The following CDIN1 variants were observed in gnomAD, a reference collection of about 807,000 sequenced individuals.
CDIN1 encodes the protein CDAN1 interacting nuclease 1, also known as CDAN1-interacting nuclease 1.
In CDIN1, 33 loss-of-function variants were observed where a neutral mutation model predicts 45.3. The ratio of observed to expected loss-of-function variants is 0.73; its 90% confidence interval spans 0.55 to 0.97. The LOEUF (loss-of-function observed/expected upper bound fraction) is 0.97, where lower values mean the gene tolerates loss of function less well. Ranked by LOEUF, CDIN1 falls within the 50% of genes least tolerant of loss-of-function variation. The pLI, the probability that CDIN1 is intolerant of heterozygous loss-of-function variation, is 0.00. For synonymous variants in CDIN1, 118 were observed against 124.4 expected, an observed-to-expected ratio of 0.95 and a Z score of 0.34; for missense variants, 303 against 339.4, an observed-to-expected ratio of 0.89 and a Z score of 0.84.
At chr15:36,639,897 C>T (rs1388547098) in intron 1 of CDIN1, among the ~76,000 whole-genome samples, 2 of 151,978 alleles carry the variant, frequency 1.3e-5, no homozygotes, top group East Asian at 3.9e-4. Flanking sequence ...TGCCATCTAC[C>T]TAATCATTTA....
chr15:36,612,154 T>C (rs1415837785), intron 1 of CDIN1, among the ~76,000 whole-genome samples: 1 of 152,206 alleles, frequency 6.6e-6, no homozygotes, highest in Non-Finnish European at 1.5e-5. Context: ...GCCATGGGAC[T>C]GAGTTCTGGC....
At chr15:36,643,140 GTTA>G (rs1395013511) in intron 1 of CDIN1, among the ~76,000 whole-genome samples, 15 of 152,130 alleles carry the variant, frequency 9.9e-5, no homozygotes, top group Non-Finnish European at 2.2e-4. Context: ...GCATTTTTGA[GTTA>G]TTGAAATATT....
At chr15:36,726,425 T>C (rs1022261972) in intron 10 of CDIN1, among the ~76,000 whole-genome samples, 7 of 152,156 alleles carry the variant, frequency 4.6e-5, no homozygotes, top group African/African-American at 1.7e-4. Context: ...CCTGCTCTGC[T>C]TGCCCAGGGC....
At chr15:36,796,183 C>A (rs1566979426) in intron 10 of CDIN1, among the ~76,000 whole-genome samples, 1 of 152,038 alleles carries the variant, frequency 6.6e-6, no homozygotes, top group Non-Finnish European at 1.5e-5. Flanking sequence ...CAGAAAATTT[C>A]TTTATTAGAT....
At chr15:36,604,980 T>C (rs1173321872) in intron 1 of CDIN1, among the ~76,000 whole-genome samples, 1 of 152,170 alleles carries the variant, frequency 6.6e-6, no homozygotes, top group African/African-American at 2.4e-5. Flanking sequence ...TGTGCTTCTC[T>C]TTCATTAAAA....
chr15:36,772,190 A>G (rs1273447856), intron 10 of CDIN1, among the ~76,000 whole-genome samples: 1 of 152,166 alleles, frequency 6.6e-6, no homozygotes, highest in Non-Finnish European at 1.5e-5. Context: ...AAAAGCTATG[A>G]AAACTGTATT....
chr15:36,642,488 A>T (rs1455747265), intron 1 of CDIN1, among the ~76,000 whole-genome samples: 5 of 152,234 alleles, frequency 3.3e-5, no homozygotes, highest in African/African-American at 1.2e-4. Flanking sequence ...CCTCTCGGCC[A>T]TAGAAAACTG....
At chr15:36,589,855 T>G (rs761628286) in intron 1 of CDIN1, among the ~76,000 whole-genome samples, 5 of 152,206 alleles carry the variant, frequency 3.3e-5, no homozygotes, top group Non-Finnish European at 7.3e-5. Flanking sequence ...CCTGGATTGT[T>G]TGGTCGGTCC....
chr15:36,620,830 G>A (rs1241666034), intron 1 of CDIN1, among the ~76,000 whole-genome samples: 2 of 151,920 alleles, frequency 1.3e-5, no homozygotes, highest in African/African-American at 4.8e-5. Context: ...TCTGTTTACA[G>A]TGTATTTATC....
At chr15:36,641,798 T>G (rs975668871) in intron 1 of CDIN1, 3 of 152,180 alleles carry the variant, frequency 2.0e-5, no homozygotes, top group Admixed American at 6.5e-5. Context: ...CTTGTTTAGT[T>G]TTTTGATTCT....
At chr15:36,634,827 G>A (rs1285840230) in intron 1 of CDIN1, among the ~76,000 whole-genome samples, 1 of 152,070 alleles carries the variant, frequency 6.6e-6, no homozygotes, top group African/African-American at 2.4e-5. Context: ...CACAAATTTT[G>A]ATACATACCA....
intron 1 of CDIN1, among the ~76,000 whole-genome samples, chr15:36,587,444 G>T (rs2037357819): frequency 6.6e-6 from 1 of 151,896 alleles, no homozygotes; most frequent in Non-Finnish European, 1.5e-5. Context: ...ATTGTGTATT[G>T]TGCTGTGTAC....
intron 5 of CDIN1, among the ~76,000 whole-genome samples, chr15:36,658,644 A>G (rs976084807): frequency 6.6e-6 from 1 of 152,164 alleles, no homozygotes; most frequent in African/African-American, 2.4e-5. Context: ...TTTATTACCT[A>G]GTATAATGTT....
At chr15:36,728,614 A>G (rs2043727996) in intron 10 of CDIN1, among the ~76,000 whole-genome samples, 1 of 150,956 alleles carries the variant, frequency 6.6e-6, no homozygotes, top group African/African-American at 2.4e-5. Context: ...ATGGTAATGA[A>G]TGCTAAAATT....
chr15:36,617,528 A>C (rs928708952), intron 1 of CDIN1: 52 of 827,916 alleles, frequency 6.3e-5, no homozygotes, highest in Middle Eastern at 6.7e-4. Flanking sequence ...TCTCAAATGG[A>C]TAGTGATCAG....
chr15:36,625,932 TTTTA>T (rs1356685030), intron 1 of CDIN1, among the ~76,000 whole-genome samples: 5 of 152,148 alleles, frequency 3.3e-5, no homozygotes, highest in African/African-American at 1.2e-4. Flanking sequence ...TTTTGTTACC[TTTTA>T]TTTCACATTT....
intron 1 of CDIN1, among the ~76,000 whole-genome samples, chr15:36,635,271 G>C (rs923442354): frequency 1.3e-5 from 2 of 152,170 alleles, no homozygotes; most frequent in Non-Finnish European, 2.9e-5. Flanking sequence ...TCAGAATTCT[G>C]TCTGGAGAAA....
chr15:36,725,636 G>T (rs562644510), intron 10 of CDIN1, among the ~76,000 whole-genome samples: 11 of 152,286 alleles, frequency 7.2e-5, no homozygotes, highest in Admixed American at 7.2e-4. Context: ...GTGTTAAAAG[G>T]TTGAAGAGTT....
At chr15:36,621,871 A>ATTTTTTT (rs2039209221) in intron 1 of CDIN1, among the ~76,000 whole-genome samples, 1 of 107,084 alleles carries the variant, frequency 9.3e-6, no homozygotes, top group African/African-American at 4.1e-5. Context: ...CAACAAGTTC[A>ATTTTTTT]GTTTTTTTTT....
Sources: allele counts gnomAD v4.1 joint callset (sites outside exome capture counted in the v4.1 genomes callset), GRCh38; gene constraint gnomAD v4.1.1; transcripts MANE v1.5; gene names NCBI Gene and HGNC (gene_info 2026-07-23, HGNC 2026-07-21).